Variants in CCSER1 observed in about 807,000 individuals in gnomAD.
The protein encoded by CCSER1 is serine-rich coiled-coil domain-containing protein 1.
A neutral mutation model predicts 82.0 loss-of-function variants in CCSER1; 41 were observed. The ratio of observed to expected loss-of-function variants is 0.50; its 90% CI spans 0.39 to 0.65. The LOEUF (loss-of-function observed/expected upper bound fraction) is 0.65, where lower values mean the gene tolerates loss of function less well. Ranked by LOEUF, CCSER1 falls within the 30% of genes least tolerant of loss-of-function variation. CCSER1 has a pLI of 0.00. For synonymous variants in CCSER1, 414 were observed against 383.9 expected, an observed-to-expected ratio of 1.08 and a Z score of -0.92; for missense variants, 1,119 against 1,064.2, an observed-to-expected ratio of 1.05 and a Z score of -0.72.
chr4:90,579,727 T>A (rs1159073103), intron 5 of CCSER1, among the ~76,000 whole-genome samples: 1 of 152,168 alleles, frequency 6.6e-6, no homozygotes, highest in Admixed American at 6.5e-5. Flanking sequence ...TATAAATCTT[T>A]GAAACTCAGA....
At chr4:90,746,224 T>G (rs1256494748) in intron 7 of CCSER1, among the ~76,000 whole-genome samples, 1 of 152,236 alleles carries the variant, frequency 6.6e-6, no homozygotes, top group East Asian at 1.9e-4. Flanking sequence ...ATATTTTATA[T>G]TCTTTATATT....
chr4:90,456,942 T>C (rs140678823), intron 4 of CCSER1, among the ~76,000 whole-genome samples: 109 of 152,274 alleles, frequency 7.2e-4, no homozygotes, highest in African/African-American at 2.5e-3. Context: ...CCACTGGACT[T>C]GATTTGCTCA....
At chr4:90,631,312 C>T (rs1724379332) in intron 6 of CCSER1, among the ~76,000 whole-genome samples, 1 of 152,120 alleles carries the variant, frequency 6.6e-6, no homozygotes, top group South Asian at 2.1e-4. Flanking sequence ...TGGTTTGTTA[C>T]ATGAGTATTG....
chr4:90,502,743 T>A (rs1381343241), intron 5 of CCSER1, among the ~76,000 whole-genome samples: 1 of 152,204 alleles, frequency 6.6e-6, no homozygotes, highest in Non-Finnish European at 1.5e-5. Context: ...GTATATATCT[T>A]GGATATTTAT....
Position 90,302,229 on chromosome 4 carries a change from T to A in CCSER1, c.-41-6015T>A, listed in dbSNP as rs973069337. ...GTATTAAAGCAAGGAGAAATGGTTT[T>A]TGGCATTAAGAAGCTTAAGACAAAA... is the stretch of plus-strand genomic sequence containing the variant. On this transcript the variant is annotated intron_variant, in intron 1 of 10. Coordinates refer to ENST00000509176, the MANE Select transcript of CCSER1 (RefSeq NM_001145065.2). Among the ~76,000 whole-genome samples the A allele has an allele frequency of 3.3e-5, 5 of 152,322 alleles. No individual in the cohort carries two copies. The South Asian group carries it at 6.2e-4, about 19-fold the overall frequency.
intron 1 of CCSER1, among the ~76,000 whole-genome samples, chr4:90,224,320 T>C (rs566419846): frequency 1.3e-5 from 2 of 152,286 alleles, no homozygotes; most frequent in Admixed American, 1.3e-4. Context: ...CTTTGTGGGG[T>C]GTCAGTATCA....
At chr4:90,458,432 C>A (rs1264357454) in intron 4 of CCSER1, among the ~76,000 whole-genome samples, 1 of 152,088 alleles carries the variant, frequency 6.6e-6, no homozygotes, top group East Asian at 1.9e-4. Context: ...TGGCTCACTG[C>A]AACCTCCACT....
rs1726089797 is a variant in CCSER1 at position 90,910,025 on chromosome 4, G to A, written c.2095-13345G>A. 2.6e-5 allele frequency among the ~76,000 whole-genome samples: 4 copies of A among 152,168 alleles called. No homozygotes were observed. In the South Asian group the frequency reaches 6.2e-4, roughly 24 times the overall value. ...ACAGGCCCTAACAGGAAGCATGACT[G>A]GGAGTCCTCAGGAAACTTATGCTCA... is the stretch of plus-strand genomic sequence containing the variant. On this transcript the variant is annotated intron_variant, in intron 8 of 10. Coordinates refer to ENST00000509176, the MANE Select transcript of CCSER1 (RefSeq NM_001145065.2).
chr4:91,504,597 A>G (rs1411107093), intron 10 of CCSER1, among the ~76,000 whole-genome samples: 1 of 151,936 alleles, frequency 6.6e-6, no homozygotes, highest in African/African-American at 2.4e-5. Flanking sequence ...ACTAGATAAT[A>G]ATTTTATTGT....
intron 10 of CCSER1, among the ~76,000 whole-genome samples, chr4:91,397,986 AATC>A (rs1752091893): frequency 6.6e-6 from 1 of 152,054 alleles, no homozygotes; most frequent in South Asian, 2.1e-4. Flanking sequence ...AGAGAAATGT[AATC>A]ATTATATGCT....
chr4:91,380,770 T>C (rs1750822977), intron 10 of CCSER1, among the ~76,000 whole-genome samples: 1 of 152,218 alleles, frequency 6.6e-6, no homozygotes, highest in Non-Finnish European at 1.5e-5. Context: ...TTGTTATGTG[T>C]GAATTTGATC....
chr4:90,269,803 G>C (rs1725919423), intron 1 of CCSER1, among the ~76,000 whole-genome samples: 1 of 151,622 alleles, frequency 6.6e-6, no homozygotes, highest in Non-Finnish European at 1.5e-5. Context: ...GAAAACAGAA[G>C]AGGAAATCCA....
intron 5 of CCSER1, among the ~76,000 whole-genome samples, chr4:90,572,520 C>A (rs1780227565): frequency 6.7e-6 from 1 of 150,322 alleles, no homozygotes; most frequent in Non-Finnish European, 1.5e-5. Flanking sequence ...TTTTTCATTT[C>A]TTTTCATTTT....
chr4:91,121,855 A>G (rs1727118299), intron 10 of CCSER1, among the ~76,000 whole-genome samples: 1 of 151,586 alleles, frequency 6.6e-6, no homozygotes, highest in Non-Finnish European at 1.5e-5. Flanking sequence ...ATTTCTTTTG[A>G]CATCCATAAT....
chr4:91,212,558 G>T (rs62310740), intron 10 of CCSER1, among the ~76,000 whole-genome samples: 1 of 152,024 alleles, frequency 6.6e-6, no homozygotes, highest in Non-Finnish European at 1.5e-5. Flanking sequence ...TATTTTAATG[G>T]AGCAAGAGGG....
intron 10 of CCSER1, among the ~76,000 whole-genome samples, chr4:91,483,295 A>G (rs1204001900): frequency 6.6e-6 from 1 of 152,222 alleles, no homozygotes; most frequent in African/African-American, 2.4e-5. Flanking sequence ...TTACATTTCT[A>G]GCAATGTAAT....
intron 5 of CCSER1, among the ~76,000 whole-genome samples, chr4:90,474,163 G>A (rs1486528035): frequency 6.7e-6 from 1 of 149,170 alleles, no homozygotes; most frequent in Admixed American, 6.7e-5. Context: ...AAATGCAAAA[G>A]TGTAGCTGTG....
chr4:91,229,415 TA>T (rs1261157088), intron 10 of CCSER1, among the ~76,000 whole-genome samples: 1 of 151,962 alleles, frequency 6.6e-6, no homozygotes, highest in Non-Finnish European at 1.5e-5. Context: ...ATCTGAGGGA[TA>T]AAAAATTATG....
chr4:90,933,057 C>T (rs1463689786), intron 9 of CCSER1, among the ~76,000 whole-genome samples: 1 of 76,534 alleles, frequency 1.3e-5, no homozygotes, highest in South Asian at 3.8e-4. Flanking sequence ...AAGGAAGGAA[C>T]GAAGGAAAGA....
Sources: allele counts gnomAD v4.1 joint callset (sites outside exome capture counted in the v4.1 genomes callset), GRCh38; gene constraint gnomAD v4.1.1; transcripts MANE v1.5; gene names NCBI Gene and HGNC (gene_info 2026-07-23, HGNC 2026-07-21).